Variants in PCDHGA2 observed in about 807,000 individuals in gnomAD.
PCDHGA2 encodes protocadherin gamma-A2.
Under a neutral mutation model 59.2 loss-of-function variants are expected in PCDHGA2, and 40 were observed. That is an observed-to-expected ratio of 0.68 (90% CI 0.52 to 0.88). PCDHGA2 has a LOEUF of 0.88. PCDHGA2 is among the 40% of genes least tolerant of loss of function. PCDHGA2 has a pLI of 0.00. For missense variants in PCDHGA2, 1,226 were observed against 1,204.0 expected, an observed-to-expected ratio of 1.02 and a Z score of -0.27; for synonymous variants, 560 against 526.0, an observed-to-expected ratio of 1.06 and a Z score of -0.89.
At position 141,489,562 on chromosome 5, in the gene PCDHGA2, G is replaced by A. The variant is rs770734883; in HGVS notation, c.2425-5245G>A. ...CACCAGCTGCCTGCTGCCAGTGCAG[G>A]TGGTGACTGAACACCCCCTGGAGCT... On this transcript the variant is annotated intron_variant, in intron 1 of 3. Coordinates refer to ENST00000394576, the MANE Select transcript of PCDHGA2 (RefSeq NM_018915.4). The surrounding 1 kb of genome is among the most constrained non-coding windows in gnomAD (Gnocchi z 4.5). 2 of 1,614,114 alleles carry A rather than the reference G, an allele frequency of 1.2e-6. No homozygotes were observed. Among genetic ancestry groups the A allele is most frequent in the Non-Finnish European group, 1.7e-6 (2 of 1,180,028 alleles).
At chr5:141,422,126 GAGA>G (rs767100115) in intron 1 of PCDHGA2, 2 of 1,601,210 alleles carry the variant, frequency 1.2e-6, no homozygotes, top group South Asian at 2.3e-5. Context: ...TCACAAACTG[GAGA>G]AGTTCAAGTA....
Position 141,341,168 on chromosome 5 carries a change from A to T in PCDHGA2, c.2197A>T (p.Thr733Ser). ...GCTGCAGGCTTCAGGAGGCAGCTTG[A>T]CAGGCATGCAGAGCTCGCACTTTGT... ...RLLQASGGSLTGMQSSHFVGV... is the reference protein window; with the variant it reads ...RLLQASGGSLSGMQSSHFVGV... Residue 733 changes from threonine (T) to serine (S), a missense_variant, in exon 1 of 4, where the codon ACA (threonine) becomes TCA (serine). Coordinates refer to ENST00000394576, the MANE Select transcript of PCDHGA2 (RefSeq NM_018915.4). 6.2e-7 allele frequency: 1 copy of T among 1,614,070 alleles called. No homozygotes were observed. The highest frequency in any genetic ancestry group is 8.5e-7 in the Non-Finnish European group (1 of 1,179,936).
chr5:141,456,700 C>G (rs1420857227), intron 1 of PCDHGA2, among the ~76,000 whole-genome samples: 2 of 152,060 alleles, frequency 1.3e-5, no homozygotes, highest in Admixed American at 1.3e-4. Flanking sequence ...CGTGGTGGCT[C>G]GCGCCTGTAA....
In PCDHGA2 at chr5:141,485,417, G is replaced by A. The variant is rs1340790133; in HGVS notation, c.2425-9390G>A. The A allele has an allele frequency of 1.2e-6, 2 of 1,614,166 alleles. No homozygotes were observed. Among genetic ancestry groups the A allele is most frequent in the Non-Finnish European group, 8.5e-7 (1 of 1,180,038 alleles). ...ACACTTCCGTGTGGATTTGGACAGCGGAGCCCTGCTCATCAAGAACCCAAT... is the reference window on the plus strand; with the variant it reads ...ACACTTCCGTGTGGATTTGGACAGCAGAGCCCTGCTCATCAAGAACCCAAT... On this transcript the variant is annotated intron_variant, in intron 1 of 3. Coordinates refer to ENST00000394576, the MANE Select transcript of PCDHGA2 (RefSeq NM_018915.4). The surrounding 1 kb of genome is among the most constrained non-coding windows in gnomAD (Gnocchi z 5.7).
chr5:141,360,756 A>C lies in PCDHGA2; in HGVS notation c.2424+19361A>C, dbSNP rs377534214. 274 of 1,614,010 alleles carry C rather than the reference A, an allele frequency of 1.7e-4. No individual in the cohort carries two copies. Among genetic ancestry groups the C allele is most frequent in the Non-Finnish European group, 2.2e-4 (262 of 1,179,904 alleles). On this transcript the variant is annotated intron_variant, in intron 1 of 3. Coordinates refer to ENST00000394576, the MANE Select transcript of PCDHGA2 (RefSeq NM_018915.4). ...CTCTGGACAGAGAAGAGCACAGTTT[A>C]CATCAATTGGTCCTCACAGCTGTGG...
chr5:141,408,144 G>T (rs868032463), intron 1 of PCDHGA2: 1 of 1,496,068 alleles, frequency 6.7e-7, no homozygotes, highest in South Asian at 1.3e-5. Context: ...CTTTTAGCGC[G>T]GTAGAGTGCA....
At chr5:141,393,316 A>T (rs2092726404) in intron 1 of PCDHGA2, 2 of 1,612,964 alleles carry the variant, frequency 1.2e-6, no homozygotes, top group Non-Finnish European at 1.7e-6. Flanking sequence ...AACTCCCTCC[A>T]GAGCTACCAG....
At position 141,339,829 on chromosome 5, in the gene PCDHGA2, A is replaced by G. The variant is rs773791186; in HGVS notation, c.858A>G (p.Gly286=). 6.2e-7 allele frequency: 1 copy of G among 1,614,226 alleles called. No homozygotes were observed. Among genetic ancestry groups the G allele is most frequent in the South Asian group, 1.1e-5 (1 of 91,086 alleles). ...TATATTTTCTAGAGAAAAGCCCTGG[A>G]GAAACCTCAGAGGTATTTGAGCTTA... ...QVVYFLEKSP[G]ETSEVFELKS... is the part of the protein sequence containing the mutation. The change falls in exon 1 of 4, where the codon GGA becomes GGG. Residue 286 remains glycine (G), a synonymous_variant. Transcript: ENST00000394576.
rs1561856520 is a variant in PCDHGA2 at position 141,431,983 on chromosome 5, A to C, written c.2425-62824A>C. 3.1e-6 allele frequency: 5 copies of C among 1,614,242 alleles called. No homozygotes were observed. Among genetic ancestry groups the C allele is most frequent in the Non-Finnish European group, 4.2e-6 (5 of 1,180,036 alleles). ...ATTACTATAGTTTAGTCACAGACAT[A>C]GTCTTGGATAGGGAACAGGTTCCTA... On this transcript the variant is annotated intron_variant, in intron 1 of 3. Coordinates refer to ENST00000394576, the MANE Select transcript of PCDHGA2 (RefSeq NM_018915.4). The surrounding 1 kb of genome is among the most constrained non-coding windows in gnomAD (Gnocchi z 4.8).
intron 1 of PCDHGA2, chr5:141,384,943 G>A (rs777478209): frequency 5.6e-6 from 9 of 1,613,996 alleles, no homozygotes; most frequent in African/African-American, 2.7e-5. Context: ...TGAGCCCTCC[G>A]ACGGTCCTTA....
Position 141,438,239 on chromosome 5 carries a change from A to C in PCDHGA2, c.2425-56568A>C, listed in dbSNP as rs550172792. Among the ~76,000 whole-genome samples, 9 of 152,298 alleles carry C rather than the reference A, an allele frequency of 5.9e-5. No homozygotes were observed. In the East Asian group the frequency reaches 1.7e-3, roughly 29 times the overall value. On this transcript the variant is annotated intron_variant, in intron 1 of 3. Transcript: ENST00000394576. ...GCTCTGGTTCAGGAAAATGTTTTTA[A>C]AAAACTGTCATTGAAGAGACCATAG...
intron 1 of PCDHGA2, chr5:141,366,134 G>T: frequency 6.2e-6 from 10 of 1,614,204 alleles, no homozygotes; most frequent in Non-Finnish European, 8.5e-6. Context: ...AGGCCAGAAC[G>T]CCTGGCTGTC....
intron 1 of PCDHGA2, among the ~76,000 whole-genome samples, chr5:141,437,556 T>C (rs1427506223): frequency 6.6e-6 from 1 of 152,228 alleles, no homozygotes; most frequent in African/African-American, 2.4e-5. Context: ...CTTTATGACA[T>C]GTAACAGAGT....
chr5:141,380,340 TG>T (rs1383873697), intron 1 of PCDHGA2, among the ~76,000 whole-genome samples: 2 of 152,164 alleles, frequency 1.3e-5, no homozygotes, highest in Non-Finnish European at 2.9e-5. Flanking sequence ...TTCAAAGAAC[TG>T]TTTTGTTGTT....
At chr5:141,422,515 AGCCCGC>A in intron 1 of PCDHGA2, 1 of 1,614,044 alleles carries the variant, frequency 6.2e-7, no homozygotes, top group Non-Finnish European at 8.5e-7. Flanking sequence ...AGACCAGGGA[AGCCCGC>A]CTTTGTCTGC....
Position 141,493,404 on chromosome 5 carries a change from C to T in PCDHGA2, c.2425-1403C>T, listed in dbSNP as rs2099748048. Among the ~76,000 whole-genome samples, 1 of 152,148 alleles carries T rather than the reference C, an allele frequency of 6.6e-6. No individual in the cohort carries two copies. Among genetic ancestry groups the T allele is most frequent in the South Asian group, 2.1e-4 (1 of 4,826 alleles). ...CTTGAGGACAGGAGAGGGGAGTTGC[C>T]TCTGCTGGGATTTTGCTTCTGCTGG... On this transcript the variant is annotated intron_variant, in intron 1 of 3. Transcript: ENST00000394576. The surrounding 1 kb of genome is among the most constrained non-coding windows in gnomAD (Gnocchi z 4.3).
intron 1 of PCDHGA2, chr5:141,351,744 G>C (rs1052633370): frequency 5.0e-6 from 8 of 1,613,526 alleles, no homozygotes; most frequent in South Asian, 1.1e-5. Context: ...CTGGAGCCGC[G>C]GGAGCTGTTG....
chr5:141,415,915 TGC>T, intron 1 of PCDHGA2: 1 of 724,854 alleles, frequency 1.4e-6, no homozygotes, highest in Non-Finnish European at 1.9e-6. Flanking sequence ...CATACAGAAG[TGC>T]CTGTCAATTT....
intron 1 of PCDHGA2, chr5:141,398,413 T>G (rs774602022): frequency 1.3e-6 from 2 of 1,490,692 alleles, no homozygotes; most frequent in South Asian, 1.1e-5. Context: ...GGAGGAGATA[T>G]GCGGGAAGAA....
Sources: allele counts gnomAD v4.1 joint callset (sites outside exome capture counted in the v4.1 genomes callset), GRCh38; gene constraint gnomAD v4.1.1; non-coding constraint Gnocchi (gnomAD v3.1); transcripts MANE v1.5; gene names NCBI Gene and HGNC (gene_info 2026-07-23, HGNC 2026-07-21).